The following PSMA1 variants were observed in gnomAD, a reference collection of about 807,000 sequenced individuals.
PSMA1 encodes proteasome 20S subunit alpha 1, also known as proteasome subunit alpha type-1.
Under a neutral mutation model 38.4 loss-of-function variants are expected in PSMA1, and 3 were observed. The ratio of observed to expected loss-of-function variants is 0.08; its 90% CI spans 0.04 to 0.20. The LOEUF is 0.20. Among genes scored for constraint, PSMA1 ranks in the 10% least tolerant of loss-of-function variants. PSMA1 has a pLI of 1.00. For missense variants in PSMA1, 227 were observed against 325.3 expected, an observed-to-expected ratio of 0.70 and a Z score of 2.32; for synonymous variants, 101 against 107.1, an observed-to-expected ratio of 0.94 and a Z score of 0.35.
intron 2 of PSMA1, among the ~76,000 whole-genome samples, chr11:14,594,956 T>C (rs918027875): frequency 4.6e-5 from 7 of 151,334 alleles, no homozygotes; most frequent in African/African-American, 1.7e-4. Flanking sequence ...CCCCACCCTG[T>C]GTCCAAGTGA....
intron 1 of PSMA1, among the ~76,000 whole-genome samples, chr11:14,633,644 C>G (rs1288129978): frequency 6.6e-6 from 1 of 152,206 alleles, no homozygotes; most frequent in South Asian, 2.1e-4. Flanking sequence ...GGCAGGCCTC[C>G]TTGAGCTGTG....
rs182433605 is a variant in PSMA1 at position 14,575,506 on chromosome 11, G to A, written c.21+35460C>T. Among the ~76,000 whole-genome samples, 1,365 of 151,962 alleles carry A rather than the reference G, an allele frequency of 9.0e-3. 13 individuals carry two copies. The highest frequency in any genetic ancestry group is 0.013 in the Non-Finnish European group (914 of 67,978). ...TTCCCACCTACGAGTTAGAACATGC[G>A]GTGTTTGGTTTTCTGTCCTTGGGAT... On this transcript the variant is annotated intron_variant, in intron 2 of 10. Coordinates refer to the PSMA1 transcript ENST00000418988.
chr11:14,630,142 T>C (rs1358802103), intron 1 of PSMA1, among the ~76,000 whole-genome samples: 2 of 152,124 alleles, frequency 1.3e-5, no homozygotes, highest in Non-Finnish European at 2.9e-5. Context: ...TTTTCCTAAT[T>C]GAATACCCTT....
At chr11:14,604,963 A>G (rs1369410981) in intron 2 of PSMA1, among the ~76,000 whole-genome samples, 1 of 152,220 alleles carries the variant, frequency 6.6e-6, no homozygotes, top group Non-Finnish European at 1.5e-5. Flanking sequence ...ACTGATGAGC[A>G]TCTAGGTTGA....
chr11:14,628,482 C>T (rs1372905912), intron 1 of PSMA1, among the ~76,000 whole-genome samples: 2 of 150,914 alleles, frequency 1.3e-5, no homozygotes, highest in African/African-American at 4.9e-5. Flanking sequence ...CATGTCCCTA[C>T]AAAGGACATG....
chr11:14,612,896 C>T (rs1852726462), intron 1 of PSMA1, among the ~76,000 whole-genome samples: 1 of 148,920 alleles, frequency 6.7e-6, no homozygotes, highest in Non-Finnish European at 1.5e-5. Context: ...GAAATCTTTC[C>T]ATTTATTTTG....
chr11:14,634,055 A>G (rs1853078254), intron 1 of PSMA1, among the ~76,000 whole-genome samples: 1 of 152,148 alleles, frequency 6.6e-6, no homozygotes. Context: ...CCCTAGTGAG[A>G]TGAACCTGGT....
At position 14,507,698 on chromosome 11, in the gene PSMA1, T is replaced by C; in HGVS notation, c.693A>G (p.Pro231=). ...FTIYDDDDVS[P]FLEGLEERPQ... ...GTCTTTCTTCAAGACCTTCCAGGAA[T>C]GGAGACACATCATCATCATCATAGA... The change falls in exon 9 of 10, where the codon CCA becomes CCG. Residue 231 remains proline (P), a synonymous_variant. Transcript: ENST00000396394. 1 of 1,613,248 alleles carries C rather than the reference T, an allele frequency of 6.2e-7. No homozygotes were observed. The highest frequency in any genetic ancestry group is 8.5e-7 in the Non-Finnish European group (1 of 1,179,376).
chr11:14,506,859 T>C (rs1230225763), intron 9 of PSMA1, among the ~76,000 whole-genome samples: 1 of 152,214 alleles, frequency 6.6e-6, no homozygotes, highest in African/African-American at 2.4e-5. Flanking sequence ...GAAGCGGCCC[T>C]GAAACTACGT....
chr11:14,603,382 G>A (rs1160800464), intron 2 of PSMA1, among the ~76,000 whole-genome samples: 3 of 152,152 alleles, frequency 2.0e-5, no homozygotes, highest in Admixed American at 6.5e-5. Flanking sequence ...TCCATATGAC[G>A]AGATGTAATC....
At chr11:14,619,736 C>T (rs1852818878) in intron 1 of PSMA1, among the ~76,000 whole-genome samples, 1 of 152,090 alleles carries the variant, frequency 6.6e-6, no homozygotes, top group Non-Finnish European at 1.5e-5. Flanking sequence ...TTAGAAATCA[C>T]TCTCTTAGTA....
intron 1 of PSMA1, among the ~76,000 whole-genome samples, chr11:14,621,302 G>A (rs1852840874): frequency 1.4e-5 from 2 of 147,840 alleles, no homozygotes; most frequent in Admixed American, 6.8e-5. Flanking sequence ...TTTTTAATTT[G>A]AGACCCCTCC....
chr11:14,528,261 ACT>A (rs1334030656), intron 2 of PSMA1, among the ~76,000 whole-genome samples: 2 of 151,972 alleles, frequency 1.3e-5, no homozygotes. Context: ...CCCCTTGGAC[ACT>A]CTCTAATTGG....
intron 2 of PSMA1, among the ~76,000 whole-genome samples, chr11:14,560,451 G>A (rs1284952299): frequency 1.3e-5 from 2 of 152,066 alleles, no homozygotes; most frequent in Non-Finnish European, 2.9e-5. Flanking sequence ...TTACCTGGTG[G>A]GTTTCTGGTT....
At chr11:14,604,587 G>C (rs143679908) in intron 2 of PSMA1, among the ~76,000 whole-genome samples, 139 of 152,224 alleles carry the variant, frequency 9.1e-4, no homozygotes, top group African/African-American at 3.1e-3. Flanking sequence ...ACTTTTTTGA[G>C]TTAGAGGTAC....
intron 2 of PSMA1, among the ~76,000 whole-genome samples, chr11:14,532,383 T>A (rs1254001487): frequency 7.0e-6 from 1 of 142,162 alleles, no homozygotes; most frequent in Non-Finnish European, 1.5e-5. Context: ...GGCGGGCAGA[T>A]CTCCTGAGAT....
rs569390169 is a variant in PSMA1, at chr11:14,631,101, C to G, written c.-166+12354G>C. Among the ~76,000 whole-genome samples the G allele has an allele frequency of 7.8e-4, 118 of 151,716 alleles. 1 individual carries two copies. Among genetic ancestry groups the G allele is most frequent in the African/African-American group, 2.4e-3 (99 of 41,266 alleles). On this transcript the variant is annotated intron_variant, in intron 1 of 10. Coordinates refer to the PSMA1 transcript ENST00000418988. The stretch of plus-strand genomic sequence containing the variant: ...CTAGCGGTCTATGAATTTTGTTGAT[C>G]CTTTCAAAAAACCAGCTCCTGGATT...
intron 8 of PSMA1, among the ~76,000 whole-genome samples, chr11:14,508,575 A>AAAAAAAAAAAAAAAAAAAAG: frequency 6.6e-6 from 1 of 150,466 alleles, no homozygotes. Context: ...AAAAAAAAAA[A>AAAAAAAAAAAAAAAAAAAAG]AACCCAGATT....
intron 2 of PSMA1, among the ~76,000 whole-genome samples, chr11:14,598,666 A>G (rs1277405467): frequency 2.7e-5 from 4 of 148,204 alleles, no homozygotes; most frequent in African/African-American, 7.5e-5. Flanking sequence ...TCCTGAATAC[A>G]GCACACTGAT....
Sources: allele counts gnomAD v4.1 joint callset (sites outside exome capture counted in the v4.1 genomes callset), GRCh38; gene constraint gnomAD v4.1.1; transcripts MANE v1.5; gene names NCBI Gene and HGNC (gene_info 2026-07-23, HGNC 2026-07-21).